Variants in FRMD6 observed in about 807,000 individuals in gnomAD.
FRMD6 encodes the protein FERM domain containing 6.
A neutral mutation model predicts 73.2 loss-of-function variants in FRMD6; 37 were observed. The observed-to-expected ratio is 0.51, with a 90% confidence interval of 0.39 to 0.66. The LOEUF is 0.66. FRMD6 is among the 30% of genes least tolerant of loss of function. The probability of loss-of-function intolerance (pLI) is 0.00; values close to 1 mark genes in which losing one functional copy is unlikely to be tolerated. For missense variants in FRMD6, 714 were observed against 780.5 expected, an observed-to-expected ratio of 0.91 and a Z score of 1.02; for synonymous variants, 273 against 282.2, an observed-to-expected ratio of 0.97 and a Z score of 0.33.
chr14:51,634,005 T>G lies in FRMD6; in HGVS notation c.-146-55686T>G, dbSNP rs1011067963. ...GTTTACAGAACATGCCTGTGCATCATGCATGTAGTTCAGACAGTCTGCAAA... is the reference window on the plus strand; with the variant it reads ...GTTTACAGAACATGCCTGTGCATCAGGCATGTAGTTCAGACAGTCTGCAAA... On this transcript the variant is annotated intron_variant, in intron 2 of 14. Transcript: ENST00000356218. Among the ~76,000 whole-genome samples, 3 of 145,710 alleles carry G rather than the reference T, an allele frequency of 2.1e-5. No individual in the cohort carries two copies. In the East Asian group the frequency reaches 5.8e-4, roughly 28 times the overall value.
At chr14:51,437,891 T>G in the FRMD6 span, among the ~76,000 whole-genome samples, 1 of 152,234 alleles carries the variant, frequency 6.6e-6, no homozygotes, top group East Asian at 1.9e-4. Flanking sequence ...CTGTTCCCTT[T>G]GCTCTGCTGG....
the FRMD6 span, among the ~76,000 whole-genome samples, chr14:51,401,714 C>T: frequency 1.3e-5 from 2 of 152,158 alleles, no homozygotes; most frequent in African/African-American, 2.4e-5. Flanking sequence ...GACAGAGGCA[C>T]GTGACTGAGA....
chr14:51,491,306 T>C (rs1333525938), intron 1 of FRMD6: 1 of 152,288 alleles, frequency 6.6e-6, no homozygotes, highest in East Asian at 1.9e-4. Flanking sequence ...GCACATGCGC[T>C]TCCTTTTCAC....
the FRMD6 span, among the ~76,000 whole-genome samples, chr14:51,424,348 C>T: frequency 6.6e-6 from 1 of 152,210 alleles, no homozygotes; most frequent in Non-Finnish European, 1.5e-5. Context: ...TTTACTGAAA[C>T]TGTTTTCTTG....
the FRMD6 span, among the ~76,000 whole-genome samples, chr14:51,434,882 G>A: frequency 1.3e-5 from 2 of 152,206 alleles, no homozygotes; most frequent in African/African-American, 2.4e-5. Context: ...TCTCCTCTAC[G>A]TTATTCTTGC....
At chr14:51,413,945 C>T in the FRMD6 span, among the ~76,000 whole-genome samples, 1 of 152,174 alleles carries the variant, frequency 6.6e-6, no homozygotes, top group Non-Finnish European at 1.5e-5. Flanking sequence ...TTTTTGGCTG[C>T]ATAAATGTCT....
the FRMD6 span, among the ~76,000 whole-genome samples, chr14:51,427,421 C>T: frequency 9.2e-5 from 14 of 152,140 alleles, no homozygotes; most frequent in Admixed American, 7.9e-4. Context: ...GGAAGGCACA[C>T]AATTAAATTA....
intron 10 of FRMD6, among the ~76,000 whole-genome samples, chr14:51,719,248 T>G (rs1897403573): frequency 1.3e-5 from 2 of 152,222 alleles, no homozygotes; most frequent in Non-Finnish European, 2.9e-5. Context: ...AAAGAGACTT[T>G]GCAGTGTTGT....
chr14:51,530,204 C>T (rs971540065), intron 1 of FRMD6, among the ~76,000 whole-genome samples: 10 of 152,266 alleles, frequency 6.6e-5, no homozygotes, highest in South Asian at 6.2e-4. Context: ...TTACTCACAT[C>T]GATTCTGTCT....
chr14:51,715,679 C>T (rs1186064971), intron 10 of FRMD6, among the ~76,000 whole-genome samples, 180 bp downstream of exon 10: 4 of 152,132 alleles, frequency 2.6e-5, no homozygotes, highest in African/African-American at 9.7e-5. Context: ...AGGCTTGAGC[C>T]CCACCTACTG....
chr14:51,599,504 A>T (rs1246927901), intron 2 of FRMD6, among the ~76,000 whole-genome samples: 1 of 152,216 alleles, frequency 6.6e-6, no homozygotes, highest in Non-Finnish European at 1.5e-5. Flanking sequence ...GACCTAATTA[A>T]ACTGAAGAAC....
upstream of FRMD6, among the ~76,000 whole-genome samples, chr14:51,487,496 G>A (rs1882794585): frequency 6.6e-6 from 1 of 152,156 alleles, no homozygotes; most frequent in Non-Finnish European, 1.5e-5. Flanking sequence ...AAGGCCTGAG[G>A]TCCTGCATTT....
At chr14:51,469,384 C>T in the FRMD6 span, among the ~76,000 whole-genome samples, 18 of 150,106 alleles carry the variant, frequency 1.2e-4, no homozygotes, top group South Asian at 6.3e-4. Context: ...GAGGCCGAGG[C>T]GGGCGGATCA....
the FRMD6 span, among the ~76,000 whole-genome samples, chr14:51,457,680 C>A: frequency 6.6e-6 from 1 of 152,174 alleles, no homozygotes; most frequent in African/African-American, 2.4e-5. Flanking sequence ...CACATGGTAG[C>A]ACTTCGCTGT....
At position 51,516,615 on chromosome 14, in the gene FRMD6, G is replaced by A. The variant is rs1159318896; in HGVS notation, c.-210+27195G>A. Among the ~76,000 whole-genome samples, 3 of 152,274 alleles carry A rather than the reference G, an allele frequency of 2.0e-5. No individual in the cohort carries two copies. In the East Asian group the frequency reaches 5.8e-4, roughly 29 times the overall value. ...ACCCTTTAGAGCCCTGTCATCTTGA[G>A]TATGTAAAAAAATAAGTGCTTGTGC... On this transcript the variant is annotated intron_variant, in intron 1 of 14. Coordinates refer to the FRMD6 transcript ENST00000356218.
the FRMD6 span, among the ~76,000 whole-genome samples, chr14:51,457,082 G>A: frequency 6.6e-6 from 1 of 152,088 alleles, no homozygotes; most frequent in Non-Finnish European, 1.5e-5. Context: ...GTGTGACTAT[G>A]GTTAATAATG....
intron 1 of FRMD6, among the ~76,000 whole-genome samples, chr14:51,568,076 A>G (rs1887877365): frequency 6.6e-6 from 1 of 152,274 alleles, no homozygotes; most frequent in Non-Finnish European, 1.5e-5. Context: ...CTGGCTTGCC[A>G]TAAATGTTTA....
chr14:51,405,003 A>T, the FRMD6 span, among the ~76,000 whole-genome samples: 9 of 151,998 alleles, frequency 5.9e-5, no homozygotes, highest in Non-Finnish European at 1.2e-4. Context: ...TTTAGCTCCC[A>T]CTTACAAGTG....
chr14:51,612,421 G>A (rs764826319), intron 2 of FRMD6, among the ~76,000 whole-genome samples: 29 of 152,210 alleles, frequency 1.9e-4, no homozygotes, highest in Non-Finnish European at 3.8e-4. Flanking sequence ...AAATAGCAAT[G>A]TGAGACAAGG....
Sources: allele counts gnomAD v4.1 joint callset (sites outside exome capture counted in the v4.1 genomes callset), GRCh38; gene constraint gnomAD v4.1.1; transcripts MANE v1.5; gene names NCBI Gene and HGNC (gene_info 2026-07-23, HGNC 2026-07-21).